ADGRA3: variants seen among roughly 807,000 people sequenced by gnomAD.
ADGRA3 encodes the protein adhesion G protein-coupled receptor A3.
A neutral mutation model predicts 119.8 loss-of-function variants in ADGRA3; 56 were observed. That is an observed-to-expected ratio of 0.47 (90% CI 0.38 to 0.58). ADGRA3 has a LOEUF of 0.58. Ranked by LOEUF, ADGRA3 falls within the 20% of genes least tolerant of loss-of-function variation. The pLI is 0.00. For missense variants in ADGRA3, 1,516 were observed against 1,649.0 expected, an observed-to-expected ratio of 0.92 and a Z score of 1.40; for synonymous variants, 607 against 623.8, an observed-to-expected ratio of 0.97 and a Z score of 0.40.
chr4:22,410,254 T>C (rs966621532), intron 14 of ADGRA3, among the ~76,000 whole-genome samples: 3 of 152,196 alleles, frequency 2.0e-5, no homozygotes, highest in Non-Finnish European at 4.4e-5. Flanking sequence ...AAGCACTACA[T>C]AGTTTGAACC....
At chr4:22,502,115 A>G (rs552364793) in intron 1 of ADGRA3, among the ~76,000 whole-genome samples, 9 of 152,310 alleles carry the variant, frequency 5.9e-5, no homozygotes, top group African/African-American at 2.2e-4. Flanking sequence ...TCCTGTATCT[A>G]TTTTGGCAGG....
chr4:22,420,868 T>C lies in ADGRA3; in HGVS notation c.1809+18A>G, dbSNP rs776642958. ...TTTAACTGTAAATAGTCTTAAATGA[T>C]TGCAGAATGTAACATACCTTTAGTG... is the stretch of plus-strand genomic sequence containing the variant. On this transcript the variant is annotated intron_variant, in intron 12 of 18. Transcript: ENST00000334304. 1 of 1,603,772 alleles carries C rather than the reference T, an allele frequency of 6.2e-7. No homozygotes were observed. Among genetic ancestry groups the C allele is most frequent in the Non-Finnish European group, 8.5e-7 (1 of 1,170,502 alleles).
At chr4:22,413,119 G>T in intron 14 of ADGRA3, 63 bp downstream of exon 14, 1 of 1,204,968 alleles carries the variant, frequency 8.3e-7, no homozygotes, top group Non-Finnish European at 1.2e-6. Flanking sequence ...CTTCATTTGA[G>T]CTTAATTATG....
intron 11 of ADGRA3, among the ~76,000 whole-genome samples, chr4:22,421,403 G>A (rs1715675097): frequency 6.6e-6 from 1 of 151,994 alleles, no homozygotes; most frequent in East Asian, 1.9e-4. Flanking sequence ...GAAACAACAA[G>A]CTAAAAATGG....
chr4:22,439,501 A>G (rs1716526123), intron 7 of ADGRA3, among the ~76,000 whole-genome samples: 2 of 152,228 alleles, frequency 1.3e-5, no homozygotes, highest in Admixed American at 6.5e-5. Context: ...TATCATTTTA[A>G]TTAACTTACA....
rs1713930637 is a variant in ADGRA3, at chr4:22,388,216, T to A, written c.3455A>T (p.Lys1152Ile). 6.2e-7 allele frequency: 1 copy of A among 1,614,016 alleles called. No individual in the cohort carries two copies. The highest frequency in any genetic ancestry group is 1.1e-5 in the South Asian group (1 of 91,084). ...LTEHSMDNDIKMHVAPLEVQF... is the reference protein window; with the variant it reads ...LTEHSMDNDIIMHVAPLEVQF... ...AACTTCTAAAGGCGCCACGTGCATTTTAATATCATTGTCCATTGAATGTTC... is the reference window on the plus strand; with the variant it reads ...AACTTCTAAAGGCGCCACGTGCATTATAATATCATTGTCCATTGAATGTTC... The change falls in exon 19 of 19, where the codon AAA becomes ATA. Residue 1152 changes from lysine (K) to isoleucine (I), a missense_variant. Transcript: ENST00000334304.
At chr4:22,469,470 A>T (rs1281187997) in intron 2 of ADGRA3, among the ~76,000 whole-genome samples, 1 of 152,126 alleles carries the variant, frequency 6.6e-6, no homozygotes, top group East Asian at 1.9e-4. Flanking sequence ...ACCCACACCC[A>T]CTTCTTCCCA....
intron 1 of ADGRA3, among the ~76,000 whole-genome samples, chr4:22,476,444 T>C (rs1177375391): frequency 2.0e-5 from 3 of 152,142 alleles, no homozygotes; most frequent in Admixed American, 6.6e-5. Flanking sequence ...AACAACAAAA[T>C]TGTATGCCTC....
chr4:22,440,185 A>G (rs1390349954), intron 7 of ADGRA3, among the ~76,000 whole-genome samples: 1 of 152,168 alleles, frequency 6.6e-6, no homozygotes, highest in African/African-American at 2.4e-5. Context: ...GAGTGTTTCT[A>G]GTTTTCTTAC....
At chr4:22,408,114 G>A (rs1233128048) in intron 14 of ADGRA3, among the ~76,000 whole-genome samples, 1 of 151,908 alleles carries the variant, frequency 6.6e-6, no homozygotes, top group Non-Finnish European at 1.5e-5. Flanking sequence ...CAAATTTAAA[G>A]ATTTTATTCT....
Position 22,424,229 on chromosome 4 carries a change from TAGC to T in ADGRA3, c.1564_1566del (p.Ala522del), listed in dbSNP as rs756600197. ...TGAGCTCCACCGGCTAGCCGGTAGG[TAGC>T]AATGCGCTGAAGACACTGCACAATC... On this transcript the variant is annotated inframe_deletion, in exon 11 of 19. Coordinates refer to ENST00000334304, the MANE Select transcript of ADGRA3 (RefSeq NM_145290.4). 6.2e-7 allele frequency: 1 copy of T among 1,612,818 alleles called. No homozygotes were observed. Among genetic ancestry groups the T allele is most frequent in the Non-Finnish European group, 8.5e-7 (1 of 1,179,532 alleles).
chr4:22,438,914 T>C (rs1716504533), intron 7 of ADGRA3, among the ~76,000 whole-genome samples: 1 of 152,108 alleles, frequency 6.6e-6, no homozygotes, highest in Non-Finnish European at 1.5e-5. Context: ...GGCTGGAGGA[T>C]GGCTTGAACC....
intron 10 of ADGRA3, among the ~76,000 whole-genome samples, chr4:22,431,292 T>C (rs1458048420): frequency 4.2e-5 from 1 of 23,624 alleles, no homozygotes; most frequent in African/African-American, 9.3e-5. Flanking sequence ...AATTCTTATA[T>C]ATATATTATA....
Position 22,489,304 on chromosome 4 carries a change from G to A in ADGRA3, c.258-15461C>T, listed in dbSNP as rs74665714. 4.0e-3 allele frequency among the ~76,000 whole-genome samples: 614 copies of A among 152,190 alleles called. 3 individuals carry two copies. The highest frequency in any genetic ancestry group is 6.8e-3 in the Non-Finnish European group (464 of 68,004). On this transcript the variant is annotated intron_variant, in intron 1 of 18. Transcript: ENST00000334304. ...TCCCACCAGGTCCCTCCCATAACAC[G>A]TGAAAATTATGGGAGCTATACTTAA...
chr4:22,388,795 TGCTCCTCCGTGG>T lies in ADGRA3; in HGVS notation c.2864_2875del (p.Pro955_Glu958del), dbSNP rs778738036. ...ATTTTCATTGGCTGCCAATCTCTGT[TGCTCCTCCGTGG>T]GCTCCTTAAGCTCATATTTGCGCTC... On this transcript the variant is annotated inframe_deletion, in exon 19 of 19. Transcript: ENST00000334304. 6.2e-7 allele frequency: 1 copy of T among 1,614,030 alleles called. No homozygotes were observed. The highest frequency in any genetic ancestry group is 1.3e-5 in the African/African-American group (1 of 74,932).
At chr4:22,472,566 C>T (rs1247751589) in intron 2 of ADGRA3, among the ~76,000 whole-genome samples, 1 of 152,140 alleles carries the variant, frequency 6.6e-6, no homozygotes, top group Non-Finnish European at 1.5e-5. Context: ...CAAACACACA[C>T]ACACACGTAT....
At chr4:22,448,915 T>A (rs1403954429) in intron 4 of ADGRA3, among the ~76,000 whole-genome samples, 1 of 152,174 alleles carries the variant, frequency 6.6e-6, no homozygotes, top group East Asian at 1.9e-4. Flanking sequence ...ATGTGAATTG[T>A]GAGAAAGGTG....
At chr4:22,495,298 G>A (rs570242975) in intron 1 of ADGRA3, among the ~76,000 whole-genome samples, 13 of 152,134 alleles carry the variant, frequency 8.5e-5, no homozygotes, top group East Asian at 1.9e-4. Context: ...TTATGGCTGC[G>A]CACAGTGGCG....
intron 10 of ADGRA3, among the ~76,000 whole-genome samples, chr4:22,431,813 C>T (rs1211745942): frequency 6.6e-6 from 1 of 152,068 alleles, no homozygotes; most frequent in Non-Finnish European, 1.5e-5. Context: ...ATGTGTATGG[C>T]TCATACTTAT....
Sources: gnomAD v4.1 joint callset for allele counts (sites outside exome capture counted in the v4.1 genomes callset) on GRCh38, gnomAD v4.1.1 for gene constraint, MANE v1.5 for transcripts, NCBI Gene and HGNC (gene_info 2026-07-23, HGNC 2026-07-21) for gene names.